Variants in RNASEH2B observed in about 807,000 individuals in gnomAD.
The protein encoded by RNASEH2B is Aicardi-Goutieres syndrome 2 protein.
RNASEH2B carries 36 observed loss-of-function variants against 45.0 expected under a neutral mutation model. The ratio of observed to expected loss-of-function variants is 0.80; its 90% CI spans 0.61 to 1.06. RNASEH2B has a LOEUF of 1.06. Among genes scored for constraint, RNASEH2B ranks in the 50% least tolerant of loss-of-function variants. The pLI is 0.00. For missense variants in RNASEH2B, 361 were observed against 360.3 expected (o/e 1.00, Z -0.02); for synonymous variants, 119 against 125.7 (o/e 0.95, Z 0.35).
chr13:50,949,391 A>G, intron 8 of RNASEH2B, 72 bp from the exon 9 acceptor site: 2 of 1,381,750 alleles, frequency 1.4e-6, no homozygotes, highest in Non-Finnish European at 1.0e-6. Flanking sequence ...CTAAGTCTTA[A>G]GTTGGCCCTG....
intron 6 of RNASEH2B, among the ~76,000 whole-genome samples, chr13:50,944,524 A>G (rs1951875631): frequency 6.6e-6 from 1 of 152,136 alleles, no homozygotes; most frequent in Non-Finnish European, 1.5e-5. Context: ...AACCTAGATG[A>G]TGGGTTGATG....
At chr13:50,966,133 A>T (rs1357852416) in intron 9 of RNASEH2B, among the ~76,000 whole-genome samples, 1 of 152,252 alleles carries the variant, frequency 6.6e-6, no homozygotes, top group Non-Finnish European at 1.5e-5. Context: ...GAATAATATT[A>T]GGAATAAATC....
chr13:50,968,247 A>T (rs1952185202), intron 9 of RNASEH2B, among the ~76,000 whole-genome samples: 1 of 152,128 alleles, frequency 6.6e-6, no homozygotes, highest in Non-Finnish European at 1.5e-5. Context: ...AAAAAAATAA[A>T]AAATTAGCCA....
intron 1 of RNASEH2B, chr13:50,927,053 A>G (rs1364134041): frequency 3.9e-6 from 1 of 254,416 alleles, no homozygotes; most frequent in Non-Finnish European, 7.8e-6. Context: ...TTTGAAAAAC[A>G]AGTATACTAT....
At chr13:50,958,677 C>T (rs1952080193), downstream of RNASEH2B, among the ~76,000 whole-genome samples, 1 of 151,994 alleles carries the variant, frequency 6.6e-6, no homozygotes, top group African/African-American at 2.4e-5. Flanking sequence ...ACTATTTTCC[C>T]AGACTACTAA....
At chr13:50,958,060 C>A (rs1952073438), downstream of RNASEH2B, among the ~76,000 whole-genome samples, 1 of 152,062 alleles carries the variant, frequency 6.6e-6, no homozygotes, top group Non-Finnish European at 1.5e-5. Context: ...TCTGTTGATA[C>A]TTTATTTTGC....
intron 1 of RNASEH2B, among the ~76,000 whole-genome samples, chr13:50,922,262 A>G (rs1047285618): frequency 6.6e-6 from 1 of 152,250 alleles, no homozygotes; most frequent in East Asian, 1.9e-4. Flanking sequence ...TGTGAGGAAT[A>G]AGATGTCCAT....
chr13:50,946,028 CT>C (rs1251262015), intron 7 of RNASEH2B, among the ~76,000 whole-genome samples: 1 of 152,152 alleles, frequency 6.6e-6, no homozygotes, highest in Non-Finnish European at 1.5e-5. Flanking sequence ...GTTCCAGTGG[CT>C]GCATCTGTTT....
intron 9 of RNASEH2B, 61 bp downstream of exon 9, chr13:50,949,566 A>C: frequency 6.9e-7 from 1 of 1,440,682 alleles, no homozygotes; most frequent in Non-Finnish European, 9.8e-7. Context: ...CTCTTACCAC[A>C]TGAGTTTAGT....
chr13:50,934,623 G>T, intron 4 of RNASEH2B: 1 of 483,922 alleles, frequency 2.1e-6, no homozygotes, highest in African/African-American at 1.9e-5. Context: ...TTTGTAGATT[G>T]ATTTTCTTCC....
chr13:50,910,243 C>A, intron 1 of RNASEH2B, 103 bp downstream of exon 1: 1 of 755,328 alleles, frequency 1.3e-6, no homozygotes, highest in Non-Finnish European at 1.9e-6. Flanking sequence ...CACTACCCGG[C>A]CCGGCGCGGG....
At chr13:50,931,009 T>G (rs1049972894) in intron 4 of RNASEH2B, among the ~76,000 whole-genome samples, 1 of 152,214 alleles carries the variant, frequency 6.6e-6, no homozygotes, top group African/African-American at 2.4e-5. Flanking sequence ...CCTGACTCAC[T>G]GTGCTGTGCA....
chr13:50,922,662 A>C (rs181642195), intron 1 of RNASEH2B, among the ~76,000 whole-genome samples: 112 of 152,348 alleles, frequency 7.4e-4, no homozygotes, highest in Non-Finnish European at 1.3e-3. Context: ...AAAAAACAGC[A>C]ATAACAAATC....
chr13:50,941,726 G>C (rs1455311838), intron 5 of RNASEH2B: 13 of 152,344 alleles, frequency 8.5e-5, no homozygotes, highest in African/African-American at 3.1e-4. Context: ...GGTCTCATTG[G>C]CTTTGGCTTA....
At chr13:50,947,471 A>G (rs1397343531) in intron 7 of RNASEH2B, among the ~76,000 whole-genome samples, 1 of 151,810 alleles carries the variant, frequency 6.6e-6, no homozygotes, top group Non-Finnish European at 1.5e-5. Flanking sequence ...AGAACTATAT[A>G]TATATATTTC....
downstream of RNASEH2B, among the ~76,000 whole-genome samples, chr13:50,961,092 C>T (rs1952107441): frequency 6.6e-6 from 1 of 152,148 alleles, no homozygotes; most frequent in Non-Finnish European, 1.5e-5. Context: ...TACACCATGG[C>T]AGGAATCACA....
chr13:50,949,346 T>C, intron 8 of RNASEH2B, 117 bp from the exon 9 acceptor site: 1 of 825,260 alleles, frequency 1.2e-6, no homozygotes, highest in South Asian at 1.4e-5. Flanking sequence ...GGAAGATATA[T>C]GGAGGTAAAG....
At chr13:50,927,769 T>C (rs1382167945) in intron 2 of RNASEH2B, among the ~76,000 whole-genome samples, 1 of 152,190 alleles carries the variant, frequency 6.6e-6, no homozygotes, top group African/African-American at 2.4e-5. Context: ...AACAGATTAA[T>C]TTTCTTTGGC....
downstream of RNASEH2B, among the ~76,000 whole-genome samples, chr13:50,957,726 C>T (rs1253461324): frequency 3.9e-5 from 6 of 152,136 alleles, no homozygotes; most frequent in Non-Finnish European, 7.4e-5. Flanking sequence ...ACATTCTCAC[C>T]AAAAGTGTTC....
Sources: allele counts gnomAD v4.1 joint callset (sites outside exome capture counted in the v4.1 genomes callset), GRCh38; gene constraint gnomAD v4.1.1; transcripts MANE v1.5; gene names NCBI Gene and HGNC (gene_info 2026-07-23, HGNC 2026-07-21).